CD28: variants seen among roughly 807,000 people sequenced by gnomAD.
CD28 encodes CD28 molecule, also known as T-cell-specific surface glycoprotein CD28.
Under a neutral mutation model 21.4 loss-of-function variants are expected in CD28, and 8 were observed. That is an observed-to-expected ratio of 0.37 (90% CI 0.22 to 0.68). The LOEUF is 0.68. Ranked by LOEUF, CD28 falls within the 30% of genes least tolerant of loss-of-function variation. CD28 has a pLI of 0.55. For synonymous variants in CD28, 106 were observed against 104.0 expected (o/e 1.02, Z -0.12); for missense variants, 239 against 272.2 (o/e 0.88, Z 0.86).
At chr2:203,727,507 T>C (rs1321837433) in intron 2 of CD28, among the ~76,000 whole-genome samples, 1 of 151,272 alleles carries the variant, frequency 6.6e-6, no homozygotes, top group East Asian at 1.9e-4. Context: ...TGAGACGGAC[T>C]CTCGCTCTGT....
chr2:203,727,604 C>G (rs377035252), intron 2 of CD28, among the ~76,000 whole-genome samples: 3 of 142,300 alleles, frequency 2.1e-5, no homozygotes, highest in Non-Finnish European at 4.6e-5. Context: ...CTCAGCCTCC[C>G]GATCAGCTGG....
At chr2:203,729,302 G>A (rs1001704061) in intron 2 of CD28, among the ~76,000 whole-genome samples, 1 of 152,168 alleles carries the variant, frequency 6.6e-6, no homozygotes, top group African/African-American at 2.4e-5. Context: ...ATGCAGTTTA[G>A]GGTCTAGATT....
chr2:203,736,972 A>G lies in CD28; in HGVS notation c.*2060A>G, dbSNP rs200272308. The G allele has an allele frequency of 6.6e-6, 1 of 152,228 alleles. No homozygotes were observed. The highest frequency in any genetic ancestry group is 1.5e-5 in the Non-Finnish European group (1 of 68,046). 9.4% of individuals were successfully genotyped at this position (152,228 alleles called of 1,614,324 possible). On this transcript the variant is annotated 3_prime_UTR_variant, in exon 4 of 4. Coordinates refer to ENST00000324106, the MANE Select transcript of CD28 (RefSeq NM_006139.4). ...AAATTAAACTGGGCAATAGCCTAAG[A>G]AGGGGGGAATATTGTAACACAAATT... is the stretch of plus-strand genomic sequence containing the variant.
At chr2:203,729,830 C>T (rs111998307) in intron 3 of CD28, 58 bp downstream of exon 3, 115 of 1,567,358 alleles carry the variant, frequency 7.3e-5, no homozygotes, top group African/African-American at 2.6e-4. Context: ...AATCTGAACA[C>T]ATTCAAGAAT....
At position 203,729,709 on chromosome 2, in the gene CD28, G is replaced by A. The variant is rs1248991130; in HGVS notation, c.471G>A (p.Val157=). Residue 157 remains valine (V), a synonymous_variant, in exon 3 of 4, where the codon GTG becomes GTA. Coordinates refer to ENST00000324106, the MANE Select transcript of CD28 (RefSeq NM_006139.4). Reference sequence around the variant, plus strand: ...CTTCTAAGCCCTTTTGGGTGCTGGTGGTGGTTGGTGGAGTCCTGGCTTGCT... The same window carrying A: ...CTTCTAAGCCCTTTTGGGTGCTGGTAGTGGTTGGTGGAGTCCTGGCTTGCT... ...PGPSKPFWVL[V]VVGGVLACYS... is the part of the protein sequence containing the mutation. The A allele has an allele frequency of 1.9e-6, 3 of 1,614,112 alleles. No individual in the cohort carries two copies. Among genetic ancestry groups the A allele is most frequent in the Admixed American group, 1.7e-5 (1 of 60,026 alleles).
At chr2:203,707,417 A>C (rs2140148) in intron 1 of CD28, among the ~76,000 whole-genome samples, 20,052 of 152,214 alleles carry the variant, frequency 0.13, 1,639 homozygotes, top group Non-Finnish European at 0.18. Context: ...GGCTTAGCTC[A>C]GTCAGGCTTC....
At chr2:203,724,541 C>T (rs1693688214) in intron 1 of CD28, among the ~76,000 whole-genome samples, 1 of 152,074 alleles carries the variant, frequency 6.6e-6, no homozygotes, top group Non-Finnish European at 1.5e-5. Flanking sequence ...ATAAAGCCAG[C>T]AATGATTTTT....
At chr2:203,732,125 T>G (rs1163685629) in intron 3 of CD28, among the ~76,000 whole-genome samples, 3 of 152,190 alleles carry the variant, frequency 2.0e-5, no homozygotes, top group Admixed American at 1.3e-4. Flanking sequence ...TCCTGGGTAA[T>G]TTTCTGAGAT....
intron 3 of CD28, among the ~76,000 whole-genome samples, chr2:203,734,511 T>A (rs1016305545): frequency 6.6e-6 from 1 of 152,200 alleles, no homozygotes; most frequent in Admixed American, 6.5e-5. Flanking sequence ...GATATGTTAA[T>A]TAGTGTGCAT....
chr2:203,715,077 C>T (rs1693430138), intron 1 of CD28, among the ~76,000 whole-genome samples: 1 of 152,106 alleles, frequency 6.6e-6, no homozygotes, highest in South Asian at 2.1e-4. Flanking sequence ...GTCTTCATCA[C>T]AGAGTTGTTT....
intron 1 of CD28, among the ~76,000 whole-genome samples, chr2:203,723,100 G>T (rs1264641055): frequency 6.6e-6 from 1 of 152,156 alleles, no homozygotes; most frequent in African/African-American, 2.4e-5. Flanking sequence ...TAAATATGTT[G>T]TCAGGTGAAT....
intron 1 of CD28, among the ~76,000 whole-genome samples, chr2:203,716,196 A>G (rs1693458397): frequency 6.6e-6 from 1 of 151,812 alleles, no homozygotes; most frequent in African/African-American, 2.4e-5. Flanking sequence ...TTCCCAATAA[A>G]CTCTCACACT....
chr2:203,714,371 A>G (rs1693405491), intron 1 of CD28, among the ~76,000 whole-genome samples: 1 of 152,122 alleles, frequency 6.6e-6, no homozygotes, highest in Non-Finnish European at 1.5e-5. Flanking sequence ...AACCCTGCCC[A>G]ACATTATGGG....
chr2:203,709,761 G>A (rs1227978682), intron 1 of CD28, among the ~76,000 whole-genome samples: 1 of 152,150 alleles, frequency 6.6e-6, no homozygotes, highest in Non-Finnish European at 1.5e-5. Context: ...GGCCATATTT[G>A]CTATTTTTTA....
In CD28 at chr2:203,716,123, C is replaced by G. The variant is rs184291448; in HGVS notation, c.52+9375C>G. Among the ~76,000 whole-genome samples the G allele has an allele frequency of 9.4e-4, 143 of 152,242 alleles. 1 individual carries two copies. Among genetic ancestry groups the G allele is most frequent in the Non-Finnish European group, 8.8e-5 (6 of 68,026 alleles). ...AAATCTATGTGCCTTTTCTTGGCTC[C>G]CCATGACTGGTATTGGCCATCTTCA... On this transcript the variant is annotated intron_variant, in intron 1 of 3. Transcript: ENST00000324106.
chr2:203,719,041 T>A (rs575671553), intron 1 of CD28, among the ~76,000 whole-genome samples: 112 of 152,354 alleles, frequency 7.4e-4, no homozygotes, highest in Non-Finnish European at 9.6e-4. Context: ...GTTTTGTATA[T>A]GTGCATTAGA....
intron 1 of CD28, among the ~76,000 whole-genome samples, chr2:203,724,976 A>G (rs1330451606): frequency 1.3e-5 from 2 of 152,184 alleles, no homozygotes; most frequent in African/African-American, 2.4e-5. Flanking sequence ...TCAAAGACAC[A>G]AAGTGGTTTG....
chr2:203,707,240 T>A (rs1693182592), intron 1 of CD28, among the ~76,000 whole-genome samples: 1 of 152,066 alleles, frequency 6.6e-6, no homozygotes, highest in South Asian at 2.1e-4. Flanking sequence ...AAGCTCTGAA[T>A]TTAGGTTGCC....
chr2:203,729,336 G>A (rs963123549), intron 2 of CD28, among the ~76,000 whole-genome samples: 1 of 152,164 alleles, frequency 6.6e-6, no homozygotes, highest in Non-Finnish European at 1.5e-5. Context: ...TGGGAGAAAC[G>A]GATAAAGTTA....
Sources: allele counts gnomAD v4.1 joint callset (sites outside exome capture counted in the v4.1 genomes callset), GRCh38; gene constraint gnomAD v4.1.1; transcripts MANE v1.5; gene names NCBI Gene and HGNC (gene_info 2026-07-23, HGNC 2026-07-21).